HIVEP3: variants seen among roughly 807,000 people sequenced by gnomAD.
The protein encoded by HIVEP3 is HIVEP zinc finger 3.
HIVEP3 carries 49 observed loss-of-function variants against 152.8 expected under a neutral mutation model. That is an observed-to-expected ratio of 0.32 (90% CI 0.26 to 0.41). HIVEP3 has a LOEUF of 0.41. Among genes scored for constraint, HIVEP3 ranks in the 10% least tolerant of loss-of-function variants. HIVEP3 has a pLI of 1.00. For synonymous variants in HIVEP3, 1,269 were observed against 1,289.0 expected, an observed-to-expected ratio of 0.98 and a Z score of 0.33; for missense variants, 2,790 against 3,103.3, an observed-to-expected ratio of 0.90 and a Z score of 2.40.
chr1:41,651,079 C>G (rs1034077406), intron 2 of HIVEP3, among the ~76,000 whole-genome samples: 2 of 152,112 alleles, frequency 1.3e-5, no homozygotes, highest in African/African-American at 2.4e-5. Context: ...GGTTCCACAT[C>G]CATGGATTCA....
intron 5 of HIVEP3, among the ~76,000 whole-genome samples, chr1:41,561,393 A>C (rs567889582): frequency 3.9e-4 from 59 of 152,274 alleles, no homozygotes; most frequent in African/African-American, 1.0e-3. Context: ...AGAAGACCTC[A>C]TTTCAAACAA....
rs60511656 is a variant in HIVEP3 at position 41,644,693 on chromosome 1, CTTTTTTTTT to C, written c.-720-15755_-720-15747del. On this transcript the variant is annotated intron_variant, in intron 2 of 8. Transcript: ENST00000372583. The stretch of plus-strand genomic sequence containing the variant: ...TTTAAAGCACACTTGCATATCTGTT[CTTTTTTTTT>C]TTTTTTTTTTTTTTTGGATGTTAAC... Among the ~76,000 whole-genome samples, 58 of 74,734 alleles carry C rather than the reference CTTTTTTTTT, an allele frequency of 7.8e-4. No individual in the cohort carries two copies. In the South Asian group the frequency reaches 0.016, roughly 20 times the overall value. The allele number at this position is 74,734 out of a possible 152,430, so 49.0% of individuals were successfully genotyped here. A position where few individuals can be genotyped will look rare whatever the true frequency, so the allele number is the denominator to read the frequency against.
intron 5 of HIVEP3, among the ~76,000 whole-genome samples, chr1:41,560,951 C>G (rs910810517): frequency 6.6e-6 from 1 of 152,216 alleles, no homozygotes; most frequent in African/African-American, 2.4e-5. Context: ...CATCCTGCAG[C>G]AAGCTCAGAT....
At position 41,817,988 on chromosome 1, in the gene HIVEP3, G is replaced by A. The variant is rs376857249; in HGVS notation, c.-801+100425C>T. On this transcript the variant is annotated intron_variant, in intron 1 of 8. Coordinates refer to ENST00000372583, the MANE Select transcript of HIVEP3 (RefSeq NM_024503.5). Reference sequence around the variant, plus strand: ...ACCCTCTTGAGCTGAGTGACTAGGGGCCAGCTCTACTGTCCAGTCAAGGAC... The same window carrying A: ...ACCCTCTTGAGCTGAGTGACTAGGGACCAGCTCTACTGTCCAGTCAAGGAC... Among the ~76,000 whole-genome samples, 8 of 152,160 alleles carry A rather than the reference G, an allele frequency of 5.3e-5. No individual in the cohort carries two copies. In the East Asian group the frequency reaches 5.8e-4, roughly 11 times the overall value.
chr1:41,783,973 G>A (rs989037409), intron 1 of HIVEP3, among the ~76,000 whole-genome samples: 5 of 152,150 alleles, frequency 3.3e-5, no homozygotes, highest in African/African-American at 4.8e-5. Flanking sequence ...TTCTTGGGTC[G>A]CCAGGAGTAA....
At chr1:41,890,925 G>A (rs900107509) in intron 1 of HIVEP3, among the ~76,000 whole-genome samples, 3 of 152,186 alleles carry the variant, frequency 2.0e-5, no homozygotes, top group Non-Finnish European at 4.4e-5. Context: ...TAAGGGAGAG[G>A]TTTGAATGAC....
intron 7 of HIVEP3, among the ~76,000 whole-genome samples, chr1:41,517,010 C>A (rs973244747): frequency 6.6e-6 from 1 of 152,222 alleles, no homozygotes; most frequent in Admixed American, 6.5e-5. Context: ...TTATTTATTG[C>A]GGAACCCCCA....
intron 1 of HIVEP3, among the ~76,000 whole-genome samples, chr1:41,924,576 G>T (rs1644958526): frequency 1.3e-5 from 2 of 151,962 alleles, no homozygotes. Context: ...AAATGTCCTT[G>T]GGCAAGTTAT....
At chr1:41,643,346 C>T (rs1645406351) in intron 2 of HIVEP3, among the ~76,000 whole-genome samples, 1 of 152,186 alleles carries the variant, frequency 6.6e-6, no homozygotes, top group Non-Finnish European at 1.5e-5. Context: ...ACATTTATTC[C>T]CCTGCACACG....
At chr1:41,850,291 C>A (rs1643560186) in intron 1 of HIVEP3, among the ~76,000 whole-genome samples, 1 of 151,964 alleles carries the variant, frequency 6.6e-6, no homozygotes, top group African/African-American at 2.4e-5. Context: ...AGCCCTGTAA[C>A]CTCATCCAAA....
chr1:41,799,560 G>A (rs1406781979), intron 1 of HIVEP3, among the ~76,000 whole-genome samples: 2 of 152,084 alleles, frequency 1.3e-5, no homozygotes, highest in Non-Finnish European at 2.9e-5. Flanking sequence ...CTATAAATGT[G>A]TTTCTCGCCT....
In HIVEP3 at chr1:41,510,118, G is replaced by A. The variant is rs555180961; in HGVS notation, c.*333C>T. 8.6e-6 allele frequency: 2 copies of A among 232,010 alleles called. No individual in the cohort carries two copies. Among genetic ancestry groups the A allele is most frequent in the African/African-American group, 2.2e-5 (1 of 44,478 alleles). 14.4% of individuals were successfully genotyped at this position (232,010 alleles called of 1,614,324 possible). On this transcript the variant is annotated 3_prime_UTR_variant, in exon 9 of 9. Coordinates refer to ENST00000372583, the MANE Select transcript of HIVEP3 (RefSeq NM_024503.5). ...CTTTCCCTCTGCCAGCCTCTGGGGT[G>A]GGTGGCTGCCAACCACAGCGGGGAG... is the stretch of plus-strand genomic sequence containing the variant.
chr1:41,957,878 A>T (rs1345531203), intron 1 of HIVEP3, among the ~76,000 whole-genome samples: 1 of 152,186 alleles, frequency 6.6e-6, no homozygotes, highest in Non-Finnish European at 1.5e-5. Context: ...GCTAAAACTG[A>T]TCTACATCTG....
intron 1 of HIVEP3, among the ~76,000 whole-genome samples, chr1:41,760,444 A>T (rs914932878): frequency 1.3e-5 from 2 of 152,120 alleles, no homozygotes; most frequent in Admixed American, 6.6e-5. Flanking sequence ...CCACAGGTCA[A>T]TGCCCAGCCT....
chr1:41,563,383 T>C (rs1207243715), intron 5 of HIVEP3, among the ~76,000 whole-genome samples: 1 of 150,546 alleles, frequency 6.6e-6, no homozygotes, highest in African/African-American at 2.4e-5. Flanking sequence ...AAAAAAATAG[T>C]GGGGAGGAAG....
At chr1:42,003,243 AT>A (rs1488128564) in intron 1 of HIVEP3, among the ~76,000 whole-genome samples, 1 of 151,900 alleles carries the variant, frequency 6.6e-6, no homozygotes, top group African/African-American at 2.4e-5. Context: ...CGCTCAGCTA[AT>A]TTTTGTATTT....
intron 2 of HIVEP3, among the ~76,000 whole-genome samples, chr1:41,699,082 C>G (rs553943338): frequency 6.6e-6 from 1 of 152,350 alleles, no homozygotes; most frequent in South Asian, 2.1e-4. Context: ...ACAGGTGGCT[C>G]TAGGCCAGCC....
At chr1:41,626,712 A>T (rs1290228770) in intron 3 of HIVEP3, among the ~76,000 whole-genome samples, 2 of 152,178 alleles carry the variant, frequency 1.3e-5, no homozygotes, top group Non-Finnish European at 2.9e-5. Flanking sequence ...GAAGGAAACA[A>T]GTGCTAAGTT....
At chr1:41,869,851 C>T (rs2919434) in intron 1 of HIVEP3, among the ~76,000 whole-genome samples, 14,345 of 152,122 alleles carry the variant, frequency 0.094, 1,000 homozygotes, top group East Asian at 0.25. Flanking sequence ...TTTTGTAGAA[C>T]AAAAGCCTTC....
Sources: allele counts gnomAD v4.1 joint callset (sites outside exome capture counted in the v4.1 genomes callset), GRCh38; gene constraint gnomAD v4.1.1; transcripts MANE v1.5; gene names NCBI Gene and HGNC (gene_info 2026-07-23, HGNC 2026-07-21).